Variants in PPM1E observed in about 807,000 individuals in gnomAD.
PPM1E encodes the protein protein phosphatase 1E.
PPM1E carries 20 observed loss-of-function variants against 65.9 expected under a neutral mutation model. That is an observed-to-expected ratio of 0.30 (90% confidence interval 0.21 to 0.44). The LOEUF is 0.44. PPM1E is among the 20% of genes least tolerant of loss of function. The pLI, the probability that PPM1E is intolerant of heterozygous loss-of-function variation, is 1.00. For missense variants in PPM1E, 713 were observed against 953.1 expected, an observed-to-expected ratio of 0.75 and a Z score of 3.32; for synonymous variants, 352 against 374.9, an observed-to-expected ratio of 0.94 and a Z score of 0.70.
intron 1 of PPM1E, among the ~76,000 whole-genome samples, chr17:58,923,948 C>T (rs1464628708): frequency 5.3e-5 from 7 of 132,108 alleles, no homozygotes; most frequent in Admixed American, 1.6e-4. Flanking sequence ...GACAGAATCT[C>T]GCTCTTGTCG....
intron 1 of PPM1E, among the ~76,000 whole-genome samples, chr17:58,757,127 A>G (rs926640690): frequency 4.1e-4 from 63 of 152,202 alleles, no homozygotes; most frequent in African/African-American, 1.4e-3. Context: ...TTGACATTCC[A>G]TAATTGAGGG....
intron 1 of PPM1E, among the ~76,000 whole-genome samples, chr17:58,907,209 G>A (rs766380493): frequency 1.3e-5 from 2 of 151,406 alleles, no homozygotes; most frequent in African/African-American, 4.9e-5. Flanking sequence ...TCGCGCCACC[G>A]TACTCCAGAC....
chr17:58,838,498 G>A (rs535460158), intron 1 of PPM1E, among the ~76,000 whole-genome samples: 4 of 152,242 alleles, frequency 2.6e-5, no homozygotes, highest in African/African-American at 9.6e-5. Flanking sequence ...TGTTAGAATG[G>A]CTAAATTTAA....
chr17:58,769,943 C>G (rs1349663822), intron 1 of PPM1E, among the ~76,000 whole-genome samples: 1 of 152,080 alleles, frequency 6.6e-6, no homozygotes, highest in African/African-American at 2.4e-5. Flanking sequence ...AGGAGAATTG[C>G]TTGAGCCCAG....
chr17:58,802,950 A>G (rs982145292), intron 1 of PPM1E, among the ~76,000 whole-genome samples: 3 of 152,006 alleles, frequency 2.0e-5, no homozygotes, highest in African/African-American at 7.2e-5. Context: ...AGGGTTTCAT[A>G]TATATTAGAT....
At chr17:58,937,394 G>T (rs2051997160) in intron 1 of PPM1E, among the ~76,000 whole-genome samples, 1 of 149,468 alleles carries the variant, frequency 6.7e-6, no homozygotes, top group African/African-American at 2.4e-5. Flanking sequence ...CTCCCCAGTA[G>T]CTGGGATTAC....
intron 1 of PPM1E, among the ~76,000 whole-genome samples, chr17:58,885,989 T>A (rs2051261721): frequency 6.6e-6 from 1 of 152,188 alleles, no homozygotes; most frequent in Non-Finnish European, 1.5e-5. Context: ...TTTCCCAGAT[T>A]CTTTGGGGGT....
intron 1 of PPM1E, among the ~76,000 whole-genome samples, chr17:58,922,601 A>T (rs2051766706): frequency 6.6e-6 from 1 of 150,618 alleles, no homozygotes; most frequent in Admixed American, 6.6e-5. Flanking sequence ...ATTGTATTTC[A>T]CCTGTGCCCT....
At chr17:58,978,634 C>A (rs2031171562) in intron 6 of PPM1E, among the ~76,000 whole-genome samples, 2 of 152,244 alleles carry the variant, frequency 1.3e-5, no homozygotes, top group African/African-American at 4.8e-5. Flanking sequence ...TTGCTGGAAC[C>A]TGGGAGGCAG....
chr17:58,806,792 TG>T (rs1162865662), intron 1 of PPM1E, among the ~76,000 whole-genome samples: 3 of 149,402 alleles, frequency 2.0e-5, no homozygotes, highest in Non-Finnish European at 4.4e-5. Flanking sequence ...CTCCACCTCC[TG>T]GGTTCAAGCG....
At chr17:58,818,712 G>T (rs1326317886) in intron 1 of PPM1E, among the ~76,000 whole-genome samples, 2 of 152,070 alleles carry the variant, frequency 1.3e-5, no homozygotes, top group Non-Finnish European at 2.9e-5. Flanking sequence ...CATCCTTCTC[G>T]TTCTTTATTA....
chr17:58,973,530 T>C (rs554094356), intron 6 of PPM1E, among the ~76,000 whole-genome samples: 2 of 149,740 alleles, frequency 1.3e-5, no homozygotes, highest in South Asian at 2.1e-4. Flanking sequence ...ACCACAGTGG[T>C]TGGGACAGGC....
chr17:58,774,990 C>CT, intron 1 of PPM1E, among the ~76,000 whole-genome samples: 1 of 151,890 alleles, frequency 6.6e-6, no homozygotes, highest in East Asian at 1.9e-4. Flanking sequence ...GTAGCTGGGA[C>CT]TACAGGCACA....
intron 1 of PPM1E, among the ~76,000 whole-genome samples, chr17:58,836,447 T>G (rs1006434376): frequency 6.7e-5 from 10 of 149,226 alleles, no homozygotes; most frequent in African/African-American, 2.5e-4. Context: ...CAGAGTAAGA[T>G]CCTGTCTTTA....
chr17:58,813,356 A>G (rs1306143580), intron 1 of PPM1E, among the ~76,000 whole-genome samples: 1 of 152,218 alleles, frequency 6.6e-6, no homozygotes, highest in African/African-American at 2.4e-5. Flanking sequence ...AATTATGCAC[A>G]TGGTAGAGAA....
Position 58,980,039 on chromosome 17 carries a change from A to G in PPM1E, c.1276A>G (p.Thr426Ala). Residue 426 changes from threonine to alanine, a missense_variant, in exon 7 of 7, where the codon ACC (threonine) becomes GCC (alanine). Physicochemically the swap from Thr to Ala is moderately conservative, Grantham distance 58 (BLOSUM62 0). Coordinates refer to ENST00000308249, the MANE Select transcript of PPM1E (RefSeq NM_014906.5). This position sits in a 1 kb window ranked among gnomAD's most constrained non-coding sequence, Gnocchi z 4.7. ...ADSASTVLDG[T>A]EDYLILACDG... is the part of the protein sequence containing the mutation. ...TTCTGCCTCCACTGTTCTGGATGGG[A>G]CCGAAGACTACCTCATTCTGGCCTG... 6.2e-7 allele frequency: 1 copy of G among 1,614,072 alleles called. No homozygotes were observed. The highest frequency in any genetic ancestry group is 8.5e-7 in the Non-Finnish European group (1 of 1,179,996).
intron 1 of PPM1E, among the ~76,000 whole-genome samples, chr17:58,942,157 G>A (rs1228523936): frequency 2.0e-5 from 3 of 152,130 alleles, no homozygotes; most frequent in Non-Finnish European, 4.4e-5. Context: ...AGGCTGAGGC[G>A]GGAAGATCGC....
At chr17:58,920,553 G>A (rs896582555) in intron 1 of PPM1E, among the ~76,000 whole-genome samples, 1 of 151,950 alleles carries the variant, frequency 6.6e-6, no homozygotes, top group Admixed American at 6.6e-5. Context: ...CTCCTTCCTT[G>A]GCCCATTATT....
chr17:58,855,752 C>G (rs1196974245), intron 1 of PPM1E, among the ~76,000 whole-genome samples: 2 of 151,950 alleles, frequency 1.3e-5, no homozygotes, highest in Non-Finnish European at 2.9e-5. Context: ...AGTAACAAAC[C>G]ATCCTACGTT....
Sources: gnomAD v4.1 joint callset for allele counts (sites outside exome capture counted in the v4.1 genomes callset) on GRCh38, gnomAD v4.1.1 for gene constraint, Gnocchi (gnomAD v3.1) non-coding constraint, MANE v1.5 for transcripts, NCBI Gene and HGNC (gene_info 2026-07-23, HGNC 2026-07-21) for gene names.